Variants in IKZF2 observed in about 807,000 individuals in gnomAD.
The protein encoded by IKZF2 is IKAROS family zinc finger 2.
IKZF2 carries 15 observed loss-of-function variants against 49.2 expected under a neutral mutation model. The observed-to-expected ratio is 0.30, with a 90% CI of 0.20 to 0.47. The LOEUF is 0.47. IKZF2 is among the 20% of genes least tolerant of loss of function. The pLI is 1.00. For missense variants in IKZF2, 567 were observed against 664.6 expected, an observed-to-expected ratio of 0.85 and a Z score of 1.61; for synonymous variants, 227 against 221.4, an observed-to-expected ratio of 1.03 and a Z score of -0.23.
intron 8 of IKZF2, among the ~76,000 whole-genome samples, chr2:213,012,714 A>C (rs1696105843): frequency 6.6e-6 from 1 of 151,970 alleles, no homozygotes; most frequent in African/African-American, 2.4e-5. Flanking sequence ...CTTCAATTTC[A>C]GATTGAAAGG....
chr2:213,022,936 T>TA (rs574578865), intron 6 of IKZF2, among the ~76,000 whole-genome samples: 10 of 151,906 alleles, frequency 6.6e-5, no homozygotes, highest in East Asian at 1.9e-4. Flanking sequence ...GATGTTCAGT[T>TA]AAAAAAAACC....
chr2:213,033,092 A>G (rs185370353), intron 6 of IKZF2, among the ~76,000 whole-genome samples: 8 of 152,352 alleles, frequency 5.3e-5, no homozygotes, highest in Admixed American at 3.9e-4. Flanking sequence ...GATCTACACT[A>G]GAAGATTCGA....
chr2:213,042,822 T>G (rs1574600674), intron 6 of IKZF2, among the ~76,000 whole-genome samples: 1 of 152,100 alleles, frequency 6.6e-6, no homozygotes, highest in South Asian at 2.1e-4. Context: ...AATTTCTCAC[T>G]GAAAGAAAAG....
chr2:213,136,976 C>T (rs955142609), intron 4 of IKZF2, among the ~76,000 whole-genome samples: 2 of 152,040 alleles, frequency 1.3e-5, no homozygotes, highest in East Asian at 1.9e-4. Flanking sequence ...AAATTTGTTA[C>T]AGGTATTGTA....
At chr2:213,009,724 G>A (rs373462690) in intron 8 of IKZF2, among the ~76,000 whole-genome samples, 8 of 152,088 alleles carry the variant, frequency 5.3e-5, no homozygotes, top group African/African-American at 1.9e-4. Context: ...ACAACATAGT[G>A]TGGTATGTGT....
chr2:213,010,707 C>T (rs544505277), intron 8 of IKZF2, among the ~76,000 whole-genome samples: 2 of 152,074 alleles, frequency 1.3e-5, no homozygotes, highest in African/African-American at 4.8e-5. Flanking sequence ...ATGGAGAGAA[C>T]TAGGAGTGGG....
At chr2:213,008,829 T>A (rs1458353319) in intron 8 of IKZF2, among the ~76,000 whole-genome samples, 2 of 152,038 alleles carry the variant, frequency 1.3e-5, no homozygotes, top group African/African-American at 4.8e-5. Context: ...GGCACCTCAC[T>A]GTTGTGTAGG....
Position 213,113,231 on chromosome 2 carries a change from A to G in IKZF2, c.139+34477T>C, listed in dbSNP as rs191835789. On this transcript the variant is annotated intron_variant, in intron 4 of 8. Transcript: ENST00000434687. ...ACTTTATATGGATGTCCCTTGCTCCAATGACTATCAAAGAAGTTGATAACA... is the reference window on the plus strand; with the variant it reads ...ACTTTATATGGATGTCCCTTGCTCCGATGACTATCAAAGAAGTTGATAACA... 5.3e-5 allele frequency among the ~76,000 whole-genome samples: 8 copies of G among 152,336 alleles called. 1 individual carries two copies. The East Asian group carries it at 1.4e-3, about 26-fold the overall frequency.
intron 4 of IKZF2, among the ~76,000 whole-genome samples, chr2:213,133,558 C>A (rs78247256): frequency 0.085 from 12,875 of 152,014 alleles, 1,067 homozygotes; most frequent in African/African-American, 0.22. Flanking sequence ...TGGTAAAACC[C>A]AGTCTCTACT....
At chr2:213,059,986 G>T (rs1220213984) in intron 4 of IKZF2, among the ~76,000 whole-genome samples, 1 of 151,242 alleles carries the variant, frequency 6.6e-6, no homozygotes, top group African/African-American at 2.4e-5. Context: ...TAATTTTGCT[G>T]TATTTATACA....
At chr2:213,134,851 A>G (rs1466841557) in intron 4 of IKZF2, among the ~76,000 whole-genome samples, 3 of 152,210 alleles carry the variant, frequency 2.0e-5, no homozygotes, top group Middle Eastern at 3.4e-3. Context: ...AAAAGACGCT[A>G]TTTTTCATTT....
chr2:213,064,243 A>G (rs1394271919), intron 4 of IKZF2, among the ~76,000 whole-genome samples: 1 of 151,958 alleles, frequency 6.6e-6, no homozygotes, highest in Non-Finnish European at 1.5e-5. Flanking sequence ...CTAAACCAAT[A>G]GTTTATGAAG....
chr2:213,117,219 A>ATG (rs2059907784), intron 4 of IKZF2, among the ~76,000 whole-genome samples: 1 of 152,158 alleles, frequency 6.6e-6, no homozygotes, highest in African/African-American at 2.4e-5. Flanking sequence ...CTCCAACACA[A>ATG]GCCTTACGAG....
At chr2:213,043,183 TACACACACAC>T (rs34393449) in intron 6 of IKZF2, among the ~76,000 whole-genome samples, 1 of 148,740 alleles carries the variant, frequency 6.7e-6, no homozygotes, top group Admixed American at 6.7e-5. Context: ...GTAAATGAAA[TACACACACAC>T]ACACACACAC....
At chr2:213,135,827 G>A (rs1470930752) in intron 4 of IKZF2, among the ~76,000 whole-genome samples, 1 of 151,796 alleles carries the variant, frequency 6.6e-6, no homozygotes, top group East Asian at 1.9e-4. Flanking sequence ...GGGCACGGTG[G>A]CTCACAAGCT....
upstream of IKZF2, among the ~76,000 whole-genome samples, chr2:213,151,951 C>T (rs1205233365): frequency 6.6e-6 from 1 of 151,548 alleles, no homozygotes; most frequent in Non-Finnish European, 1.5e-5. Context: ...AGTGCTGCCC[C>T]GGAGGCTCCG....
intron 5 of IKZF2, among the ~76,000 whole-genome samples, chr2:213,055,075 C>T (rs997514207): frequency 6.6e-6 from 1 of 151,984 alleles, no homozygotes; most frequent in African/African-American, 2.4e-5. Context: ...CTTCTAAATA[C>T]TGTTTTTAGT....
intron 4 of IKZF2, among the ~76,000 whole-genome samples, chr2:213,136,370 CAAAAAAA>C (rs11325415): frequency 3.7e-5 from 2 of 53,650 alleles, no homozygotes; most frequent in Admixed American, 2.8e-4. Flanking sequence ...GACACTGTCT[CAAAAAAA>C]AAAAAAAAAA....
At chr2:213,096,698 T>TA (rs1269972297) in intron 4 of IKZF2, among the ~76,000 whole-genome samples, 1 of 151,996 alleles carries the variant, frequency 6.6e-6, no homozygotes, top group Non-Finnish European at 1.5e-5. Context: ...ACAGGTTTCT[T>TA]AAAATTGAAG....
Sources: allele counts gnomAD v4.1 joint callset (sites outside exome capture counted in the v4.1 genomes callset), GRCh38; gene constraint gnomAD v4.1.1; transcripts MANE v1.5; gene names NCBI Gene and HGNC (gene_info 2026-07-23, HGNC 2026-07-21).